Variants in PTPN13 observed in about 807,000 individuals in gnomAD.
PTPN13 encodes the protein tyrosine-protein phosphatase non-receptor type 13.
A neutral mutation model predicts 284.0 loss-of-function variants in PTPN13; 191 were observed. The observed-to-expected ratio is 0.67, with a 90% CI of 0.60 to 0.76. The LOEUF (loss-of-function observed/expected upper bound fraction) is 0.76. PTPN13 is among the 30% of genes least tolerant of loss of function. The pLI is 0.00. For missense variants in PTPN13, 2,797 were observed against 2,939.9 expected, an observed-to-expected ratio of 0.95 and a Z score of 1.12; for synonymous variants, 986 against 1,022.3, an observed-to-expected ratio of 0.96 and a Z score of 0.68.
chr4:86,758,811 A>C, intron 22 of PTPN13, 26 bp downstream of exon 22: 1 of 1,602,956 alleles, frequency 6.2e-7, no homozygotes, highest in Non-Finnish European at 8.5e-7. Context: ...GTAGTTTTCT[A>C]AGTATTTTCT....
At chr4:86,647,063 AGAT>A (rs1267222250) in intron 2 of PTPN13, among the ~76,000 whole-genome samples, 2 of 152,178 alleles carry the variant, frequency 1.3e-5, no homozygotes, top group Admixed American at 6.5e-5. Flanking sequence ...TAGGGATGAG[AGAT>A]GATGATGGGG....
At chr4:86,811,483 C>G (rs531395240) in intron 47 of PTPN13, among the ~76,000 whole-genome samples, 10 of 152,288 alleles carry the variant, frequency 6.6e-5, no homozygotes, top group Middle Eastern at 3.4e-3. Context: ...CAGAAATTCC[C>G]TGAGAAGTAA....
intron 2 of PTPN13, among the ~76,000 whole-genome samples, chr4:86,659,099 C>G (rs1726182154): frequency 6.6e-6 from 1 of 151,874 alleles, no homozygotes; most frequent in Admixed American, 6.6e-5. Context: ...CTATAACAAC[C>G]TAGAATAACA....
chr4:86,728,572 C>T (rs1734554679), intron 10 of PTPN13, among the ~76,000 whole-genome samples: 1 of 143,742 alleles, frequency 7.0e-6, no homozygotes, highest in Non-Finnish European at 1.5e-5. Flanking sequence ...TATGTAATGG[C>T]CTTCTTTGTC....
chr4:86,768,162 T>C lies in PTPN13; in HGVS notation c.4489+186T>C, dbSNP rs190271584. Among the ~76,000 whole-genome samples the C allele has an allele frequency of 3.3e-4, 51 of 152,346 alleles. 1 individual carries two copies. Among genetic ancestry groups the C allele is most frequent in the African/African-American group, 1.2e-3 (49 of 41,572 alleles). On this transcript the variant is annotated intron_variant, in intron 28 of 47. Transcript: ENST00000411767. ...AAACATATTTGCAGCTCATAGGGTCTGAAAGACTTTGGATAATAAAGTCAT... is the reference window on the plus strand; with the variant it reads ...AAACATATTTGCAGCTCATAGGGTCCGAAAGACTTTGGATAATAAAGTCAT...
chr4:86,803,748 C>T lies in PTPN13; in HGVS notation c.6545C>T (p.Pro2182Leu). The T allele has an allele frequency of 6.2e-7, 1 of 1,613,926 alleles. No individual in the cohort carries two copies. The highest frequency in any genetic ancestry group is 8.5e-7 in the Non-Finnish European group (1 of 1,179,820). The change falls in exon 43 of 48, where the codon CCT becomes CTT. Residue 2182 changes from proline to leucine, a missense_variant. Physicochemically the swap from Pro to Leu is moderately conservative, Grantham distance 98. Coordinates refer to ENST00000411767, the MANE Select transcript of PTPN13 (RefSeq NM_080683.3). ...FLTNDELAVL[P>L]VVKVLPSGKY... is the part of the protein sequence containing the mutation. Reference sequence around the variant, plus strand: ...ACAAACGATGAGCTCGCTGTACTCCCTGTCGTCAAAGTGCTTCCCTCTGGT... The same window carrying T: ...ACAAACGATGAGCTCGCTGTACTCCTTGTCGTCAAAGTGCTTCCCTCTGGT...
At chr4:86,680,884 C>G (rs2148926466) in intron 3 of PTPN13, among the ~76,000 whole-genome samples, 1 of 152,282 alleles carries the variant, frequency 6.6e-6, no homozygotes, top group Non-Finnish European at 1.5e-5. Flanking sequence ...TGTGTACCAT[C>G]CATTCTTTCA....
At chr4:86,713,731 ACTT>A (rs1285173156) in intron 7 of PTPN13, among the ~76,000 whole-genome samples, 3 of 152,162 alleles carry the variant, frequency 2.0e-5, no homozygotes, top group East Asian at 1.9e-4. Flanking sequence ...AGTCATCTAT[ACTT>A]CTTCTCGCAT....
intron 42 of PTPN13, 55 bp from the exon 43 acceptor site, chr4:86,803,654 A>T: frequency 1.9e-6 from 3 of 1,566,728 alleles, no homozygotes; most frequent in Non-Finnish European, 2.6e-6. Context: ...AAATTAGTTC[A>T]CTTAGTTAAA....
Position 86,732,432 on chromosome 4 carries a change from A to G in PTPN13, c.1641A>G (p.Thr547=). ...TTGGCCCTGAGTTTGTGAAAATGACAATTGAACCATTTATATCTTTGGATT... is the reference window on the plus strand; with the variant it reads ...TTGGCCCTGAGTTTGTGAAAATGACGATTGAACCATTTATATCTTTGGATT... ...NFFGPEFVKM[T]IEPFISLDLP... is the part of the protein sequence containing the mutation. The change falls in exon 11 of 48, where the codon ACA becomes ACG. Residue 547 remains threonine (T), a synonymous_variant. Transcript: ENST00000411767. 1 of 1,601,438 alleles carries G rather than the reference A, an allele frequency of 6.2e-7. No homozygotes were observed. Among genetic ancestry groups the G allele is most frequent in the Non-Finnish European group, 8.5e-7 (1 of 1,172,922 alleles).
Position 86,616,329 on chromosome 4 carries a change from G to C in PTPN13, c.-5-18923G>C, listed in dbSNP as rs374097816. Among the ~76,000 whole-genome samples, 2 of 152,180 alleles carry C rather than the reference G, an allele frequency of 1.3e-5. 1 individual carries two copies. The highest frequency in any genetic ancestry group is 3.8e-4 in the East Asian group (2 of 5,198). On this transcript the variant is annotated intron_variant, in intron 1 of 47. Coordinates refer to ENST00000411767, the MANE Select transcript of PTPN13 (RefSeq NM_080683.3). ...GTGGGTGATGCTGGTATTTTAGATT[G>C]AGGTGGTCAAGGAAGGCCTCATAGA...
chr4:86,814,659 C>G lies in PTPN13; in HGVS notation c.*108C>G, dbSNP rs1745607583. The G allele has an allele frequency of 3.8e-6, 3 of 797,914 alleles. No homozygotes were observed. The highest frequency in any genetic ancestry group is 2.3e-4 in the Middle Eastern group (1 of 4,280). The allele number at this position is 797,914 out of a possible 1,614,324, so 49.4% of individuals were successfully genotyped here. On this transcript the variant is annotated 3_prime_UTR_variant, in exon 48 of 48. Coordinates refer to ENST00000411767, the MANE Select transcript of PTPN13 (RefSeq NM_080683.3). ...CAGAGCAGCAAGTTCATACAACATG[C>G]ATGTTCTCCTCTATCTTAGAGGGGT...
chr4:86,720,354 C>T (rs889254124), intron 9 of PTPN13, among the ~76,000 whole-genome samples: 2 of 151,916 alleles, frequency 1.3e-5, no homozygotes, highest in African/African-American at 4.8e-5. Context: ...ACATTAAGGC[C>T]GCCATATTTG....
intron 4 of PTPN13, among the ~76,000 whole-genome samples, chr4:86,686,987 T>G (rs565223336): frequency 6.6e-6 from 1 of 152,272 alleles, no homozygotes; most frequent in Admixed American, 6.5e-5. Flanking sequence ...ATTCCTAGAA[T>G]TGTAGCAATC....
At chr4:86,798,143 A>G (rs1743568699) in intron 41 of PTPN13, among the ~76,000 whole-genome samples, 1 of 152,210 alleles carries the variant, frequency 6.6e-6, no homozygotes, top group Non-Finnish European at 1.5e-5. Context: ...AGAAGGAGCC[A>G]AATAAGGACT....
chr4:86,736,403 C>T (rs1735513457), intron 15 of PTPN13, among the ~76,000 whole-genome samples: 1 of 152,120 alleles, frequency 6.6e-6, no homozygotes, highest in African/African-American at 2.4e-5. Flanking sequence ...GAACATTCTT[C>T]TGTTTTAGCT....
intron 2 of PTPN13, among the ~76,000 whole-genome samples, chr4:86,654,927 G>A (rs1274035091): frequency 1.3e-5 from 2 of 152,186 alleles, no homozygotes; most frequent in East Asian, 3.8e-4. Context: ...GGGTGCTCCT[G>A]TATTGGGTGC....
At chr4:86,809,462 C>T (rs1236145514) in intron 45 of PTPN13, among the ~76,000 whole-genome samples, 1 of 152,078 alleles carries the variant, frequency 6.6e-6, no homozygotes, top group East Asian at 1.9e-4. Context: ...CTTTGGGAGG[C>T]CAAGGTGAGT....
chr4:86,644,161 A>C (rs1182746387), intron 2 of PTPN13, among the ~76,000 whole-genome samples: 1 of 151,890 alleles, frequency 6.6e-6, no homozygotes, highest in Non-Finnish European at 1.5e-5. Context: ...GGAGACAGAA[A>C]TCTCACTCTG....
Sources: gnomAD v4.1 joint callset for allele counts (sites outside exome capture counted in the v4.1 genomes callset) on GRCh38, gnomAD v4.1.1 for gene constraint, MANE v1.5 for transcripts, NCBI Gene and HGNC (gene_info 2026-07-23, HGNC 2026-07-21) for gene names.